MGMT: variants seen among roughly 807,000 people sequenced by gnomAD.
The protein encoded by MGMT is methylated-DNA--protein-cysteine methyltransferase.
Under a neutral mutation model 15.9 loss-of-function variants are expected in MGMT, and 14 were observed. The ratio of observed to expected loss-of-function variants is 0.88; its 90% CI spans 0.58 to 1.37. The LOEUF is 1.37. MGMT is among the 40% of genes most tolerant of loss of function. MGMT has a pLI of 0.00. For missense variants in MGMT, 282 were observed against 268.1 expected (o/e 1.05, Z -0.36); for synonymous variants, 130 against 118.2 (o/e 1.10, Z -0.65).
chr10:129,729,293 C>A (rs1183181453), intron 3 of MGMT, among the ~76,000 whole-genome samples: 1 of 152,184 alleles, frequency 6.6e-6, no homozygotes, highest in Non-Finnish European at 1.5e-5. Context: ...AGGGAAGGCA[C>A]CTTTGCACCC....
chr10:129,642,013 C>T (rs1847332645), intron 2 of MGMT, among the ~76,000 whole-genome samples: 1 of 152,226 alleles, frequency 6.6e-6, no homozygotes, highest in African/African-American at 2.4e-5. Flanking sequence ...GCTCTCTGCT[C>T]ATAATTCTAG....
intron 2 of MGMT, among the ~76,000 whole-genome samples, chr10:129,579,356 C>T (rs1323526605): frequency 1.3e-5 from 2 of 152,204 alleles, no homozygotes; most frequent in African/African-American, 4.8e-5. Flanking sequence ...GGGCCAGGCC[C>T]CAGGAGTCCC....
At chr10:129,495,320 T>C (rs1845509003) in intron 1 of MGMT, among the ~76,000 whole-genome samples, 1 of 152,226 alleles carries the variant, frequency 6.6e-6, no homozygotes, top group Non-Finnish European at 1.5e-5. Context: ...TTTCTTTGAA[T>C]CTCAAAATAT....
At chr10:129,636,481 A>G (rs747668387) in intron 2 of MGMT, among the ~76,000 whole-genome samples, 1 of 152,264 alleles carries the variant, frequency 6.6e-6, no homozygotes, top group Non-Finnish European at 1.5e-5. Flanking sequence ...TCATTGAAAG[A>G]AGGCCTTAAT....
chr10:129,698,848 T>C (rs1324504530), intron 2 of MGMT, among the ~76,000 whole-genome samples: 1 of 152,246 alleles, frequency 6.6e-6, no homozygotes, highest in Non-Finnish European at 1.5e-5. Flanking sequence ...ATGCATCTAA[T>C]GTTGCAAATG....
At chr10:129,766,666 C>A in intron 4 of MGMT, 122 bp from the exon 5 acceptor site, 1 of 853,680 alleles carries the variant, frequency 1.2e-6, no homozygotes, top group Non-Finnish European at 1.8e-6. Flanking sequence ...CAACAGCCTG[C>A]CCCTGGCACA....
chr10:129,547,341 A>T (rs150387454), intron 2 of MGMT, among the ~76,000 whole-genome samples: 3,553 of 152,158 alleles, frequency 0.023, 86 homozygotes, highest in Middle Eastern at 0.041. Flanking sequence ...GTCCATACAC[A>T]TCGGCAGGAG....
intron 2 of MGMT, among the ~76,000 whole-genome samples, chr10:129,568,214 G>A (rs1164560396): frequency 6.6e-6 from 1 of 152,214 alleles, no homozygotes; most frequent in Non-Finnish European, 1.5e-5. Context: ...CTTCACTTGA[G>A]GTTTTTGGTG....
At chr10:129,577,769 A>C (rs1201350555) in intron 2 of MGMT, among the ~76,000 whole-genome samples, 1 of 152,110 alleles carries the variant, frequency 6.6e-6, no homozygotes, top group Non-Finnish European at 1.5e-5. Context: ...ATAGGAGAAA[A>C]TTTTCTCAAC....
intron 2 of MGMT, among the ~76,000 whole-genome samples, chr10:129,703,813 G>A (rs539182885): frequency 2.6e-5 from 4 of 152,100 alleles, no homozygotes; most frequent in East Asian, 1.9e-4. Flanking sequence ...CCCATCCCTC[G>A]AACCCTGAAG....
chr10:129,611,878 G>T (rs1015399807), intron 2 of MGMT, among the ~76,000 whole-genome samples: 7 of 152,154 alleles, frequency 4.6e-5, no homozygotes, highest in Non-Finnish European at 8.8e-5. Context: ...CAGAATTTCA[G>T]TTGTCAATGG....
chr10:129,676,260 C>T (rs1164130753), intron 2 of MGMT, among the ~76,000 whole-genome samples: 1 of 152,224 alleles, frequency 6.6e-6, no homozygotes, highest in Non-Finnish European at 1.5e-5. Flanking sequence ...CGCCCCCCGA[C>T]CTTCATTTCC....
intron 4 of MGMT, among the ~76,000 whole-genome samples, chr10:129,760,278 C>T (rs1361412929): frequency 3.9e-5 from 6 of 152,208 alleles, no homozygotes; most frequent in Non-Finnish European, 7.3e-5. Context: ...AAGGGTGCCC[C>T]GTCTGCGTGG....
chr10:129,544,877 C>T (rs1050347675), intron 2 of MGMT, among the ~76,000 whole-genome samples: 1 of 152,236 alleles, frequency 6.6e-6, no homozygotes, highest in African/African-American at 2.4e-5. Context: ...CCCACAGAAA[C>T]ATCTCAGAGC....
At chr10:129,617,354 A>C (rs1370773696) in intron 2 of MGMT, among the ~76,000 whole-genome samples, 2 of 152,158 alleles carry the variant, frequency 1.3e-5, no homozygotes, top group Non-Finnish European at 2.9e-5. Flanking sequence ...GGTTTAGTCC[A>C]TGTCTTTACT....
At chr10:129,655,136 A>G (rs1346646427) in intron 2 of MGMT, among the ~76,000 whole-genome samples, 1 of 152,172 alleles carries the variant, frequency 6.6e-6, no homozygotes, top group Admixed American at 6.5e-5. Context: ...GCATGGAAAG[A>G]AAGCACTGCA....
At chr10:129,672,872 A>G (rs1235435352) in intron 2 of MGMT, among the ~76,000 whole-genome samples, 2 of 152,110 alleles carry the variant, frequency 1.3e-5, no homozygotes, top group Non-Finnish European at 2.9e-5. Flanking sequence ...TTTGTGCCAT[A>G]TTAGTACATT....
intron 2 of MGMT, among the ~76,000 whole-genome samples, chr10:129,598,581 A>G (rs1299594439): frequency 6.6e-6 from 1 of 152,248 alleles, no homozygotes; most frequent in Non-Finnish European, 1.5e-5. Context: ...AACCACACGC[A>G]AGAAAGCAAA....
chr10:129,718,972 T>G (rs1479276515), intron 3 of MGMT, among the ~76,000 whole-genome samples: 2 of 151,246 alleles, frequency 1.3e-5, no homozygotes, highest in Non-Finnish European at 2.9e-5. Context: ...TTCTGAGATG[T>G]CTAGAGCCGG....
Sources: allele counts gnomAD v4.1 joint callset (sites outside exome capture counted in the v4.1 genomes callset), GRCh38; gene constraint gnomAD v4.1.1; transcripts MANE v1.5; gene names NCBI Gene and HGNC (gene_info 2026-07-23, HGNC 2026-07-21).